POT1: variants seen among roughly 807,000 people sequenced by gnomAD.
The protein encoded by POT1 is protection of telomeres protein 1.
In POT1, 47 loss-of-function variants were observed where a neutral mutation model predicts 78.5. The ratio of observed to expected loss-of-function variants is 0.60; its 90% CI spans 0.47 to 0.76. POT1 has a LOEUF of 0.76. Among genes scored for constraint, POT1 ranks in the 30% least tolerant of loss-of-function variants. The pLI, the probability that POT1 is intolerant of heterozygous loss-of-function variation, is 0.00. For missense variants in POT1, 646 were observed against 749.9 expected (o/e 0.86, Z 1.62); for synonymous variants, 259 against 260.7 (o/e 0.99, Z 0.06).
chr7:124,858,042 G>A (rs1237944819), intron 9 of POT1, among the ~76,000 whole-genome samples: 1 of 152,118 alleles, frequency 6.6e-6, no homozygotes, highest in African/African-American at 2.4e-5. Context: ...CACTCCTGTG[G>A]TCTGAGTGAG....
intron 14 of POT1, 173 bp downstream of exon 14, chr7:124,840,800 G>C: frequency 2.2e-6 from 1 of 462,012 alleles, no homozygotes; most frequent in Non-Finnish European, 3.8e-6. Context: ...ATTTATGAAC[G>C]TGTGCTTATA....
At chr7:124,860,415 GT>G (rs1312272196) in intron 8 of POT1, among the ~76,000 whole-genome samples, 1 of 151,812 alleles carries the variant, frequency 6.6e-6, no homozygotes, top group Non-Finnish European at 1.5e-5. Flanking sequence ...GTTAGTATTT[GT>G]TTTTTTCTAA....
chr7:124,838,427 A>G (rs953587028), intron 14 of POT1, among the ~76,000 whole-genome samples: 7 of 152,164 alleles, frequency 4.6e-5, no homozygotes, highest in Non-Finnish European at 2.9e-5. Context: ...AAATACTTAG[A>G]TATAAAGCTA....
rs6948345 is a variant in POT1, at chr7:124,891,515, T to C, written c.124+751A>G. On this transcript the variant is annotated intron_variant, in intron 6 of 18. Coordinates refer to ENST00000357628, the MANE Select transcript of POT1 (RefSeq NM_015450.3). The stretch of plus-strand genomic sequence containing the variant: ...AGGTAATTTAATTCATTTATAATAA[T>C]AGTAGTTATTCATTAGGAAGGTCTT... Among the ~76,000 whole-genome samples the C allele has an allele frequency of 1.2e-3, 177 of 151,188 alleles. 1 individual carries two copies. Among genetic ancestry groups the C allele is most frequent in the African/African-American group, 3.9e-3 (160 of 41,374 alleles).
intron 5 of POT1, among the ~76,000 whole-genome samples, chr7:124,894,900 G>A (rs1464293394): frequency 1.3e-5 from 2 of 151,624 alleles, no homozygotes; most frequent in Non-Finnish European, 3.0e-5. Context: ...AGAAATGATA[G>A]CATATACTAG....
chr7:124,920,051 C>A (rs1435515833), intron 2 of POT1, among the ~76,000 whole-genome samples: 1 of 152,226 alleles, frequency 6.6e-6, no homozygotes, highest in Non-Finnish European at 1.5e-5. Flanking sequence ...AACCTATGAG[C>A]TATATCACAT....
chr7:124,917,030 G>T (rs1466351716), intron 2 of POT1, among the ~76,000 whole-genome samples: 1 of 152,002 alleles, frequency 6.6e-6, no homozygotes, highest in Non-Finnish European at 1.5e-5. Context: ...TGGAAGGCAA[G>T]AACAGAAAAA....
chr7:124,871,544 G>A (rs1795868593), intron 6 of POT1, among the ~76,000 whole-genome samples: 1 of 151,986 alleles, frequency 6.6e-6, no homozygotes, highest in African/African-American at 2.4e-5. Context: ...AGAAAACTAT[G>A]TCATAACAAA....
At chr7:124,914,914 T>A (rs1796981338) in intron 3 of POT1, among the ~76,000 whole-genome samples, 1 of 152,208 alleles carries the variant, frequency 6.6e-6, no homozygotes, top group Admixed American at 6.5e-5. Context: ...AATAAATGTA[T>A]TTATATTTAA....
At chr7:124,883,880 T>C (rs1222130073) in intron 6 of POT1, among the ~76,000 whole-genome samples, 2 of 151,746 alleles carry the variant, frequency 1.3e-5, no homozygotes, top group Non-Finnish European at 2.9e-5. Context: ...GATTCTTTCA[T>C]CTCTCTGATA....
rs76461110 is a variant in POT1 at position 124,867,976 on chromosome 7, C to T, written c.255+2935G>A. Among the ~76,000 whole-genome samples the T allele has an allele frequency of 1.4e-4, 22 of 152,228 alleles. No individual in the cohort carries two copies. In the East Asian group the frequency reaches 2.7e-3, roughly 19 times the overall value. On this transcript the variant is annotated intron_variant, in intron 7 of 18. Coordinates refer to ENST00000357628, the MANE Select transcript of POT1 (RefSeq NM_015450.3). ...TAGTAGCTATCACTACTTGAAATTA[C>T]TTTGATTTATATGCTTACTTTCATA...
intron 2 of POT1, among the ~76,000 whole-genome samples, chr7:124,923,795 C>G (rs1797208575): frequency 6.6e-6 from 1 of 151,410 alleles, no homozygotes; most frequent in South Asian, 2.1e-4. Flanking sequence ...AAGCATCTAT[C>G]TAGTCACCTA....
At chr7:124,881,670 C>CA (rs1164242914) in intron 6 of POT1, among the ~76,000 whole-genome samples, 2 of 151,884 alleles carry the variant, frequency 1.3e-5, no homozygotes, top group African/African-American at 4.8e-5. Flanking sequence ...AATACACACG[C>CA]AAAAATATCC....
chr7:124,832,008 A>T (rs1456137555), intron 15 of POT1, among the ~76,000 whole-genome samples: 42 of 62,772 alleles, frequency 6.7e-4, no homozygotes, highest in East Asian at 5.4e-3. Flanking sequence ...ATAAAAAAAA[A>T]AAAAAAAAAA....
At chr7:124,846,784 C>T (rs180705455) in intron 12 of POT1, among the ~76,000 whole-genome samples, 158 bp downstream of exon 12, 2 of 151,980 alleles carry the variant, frequency 1.3e-5, no homozygotes, top group Non-Finnish European at 1.5e-5. Context: ...TTTATGCCAA[C>T]AAGACACGGT....
At chr7:124,920,831 C>T (rs1010174499) in intron 2 of POT1, among the ~76,000 whole-genome samples, 1 of 152,050 alleles carries the variant, frequency 6.6e-6, no homozygotes, top group African/African-American at 2.4e-5. Flanking sequence ...AATGCTCATG[C>T]CTGTAATCCC....
intron 5 of POT1, among the ~76,000 whole-genome samples, 178 bp downstream of exon 5, chr7:124,896,987 A>G (rs1338439646): frequency 6.6e-6 from 1 of 151,846 alleles, no homozygotes; most frequent in Non-Finnish European, 1.5e-5. Context: ...GGTAAAATAT[A>G]TAACTCTAAT....
intron 3 of POT1, among the ~76,000 whole-genome samples, chr7:124,908,620 ACATAT>A (rs10539153): frequency 0.6 from 90,444 of 150,944 alleles, 27,177 homozygotes; most frequent in African/African-American, 0.65. Context: ...ATTCATAGTT[ACATAT>A]CATATCTGGA....
At position 124,880,590 on chromosome 7, in the gene POT1, A is replaced by C. The variant is rs572370985; in HGVS notation, c.125-9549T>G. ...AATTTAGATTTAATCTAAATTTTAA[A>C]ATACTGAAAATTGTTTCACATTTTG... On this transcript the variant is annotated intron_variant, in intron 6 of 18. Transcript: ENST00000357628. Among the ~76,000 whole-genome samples the C allele has an allele frequency of 9.2e-5, 14 of 152,184 alleles. No individual in the cohort carries two copies. In the South Asian group the frequency reaches 2.9e-3, roughly 31 times the overall value.
Sources: gnomAD v4.1 joint callset for allele counts (sites outside exome capture counted in the v4.1 genomes callset) on GRCh38, gnomAD v4.1.1 for gene constraint, MANE v1.5 for transcripts, NCBI Gene and HGNC (gene_info 2026-07-23, HGNC 2026-07-21) for gene names.